The following KLHL20 variants were observed in gnomAD, a reference collection of about 807,000 sequenced individuals.
The protein encoded by KLHL20 is kelch-like protein 20.
KLHL20 carries 29 observed loss-of-function variants against 69.5 expected under a neutral mutation model. That is an observed-to-expected ratio of 0.42 (90% CI 0.31 to 0.57). KLHL20 has a LOEUF of 0.57. Ranked by LOEUF, KLHL20 falls within the 20% of genes least tolerant of loss-of-function variation. The pLI, the probability that KLHL20 is intolerant of heterozygous loss-of-function variation, is 0.18. For synonymous variants in KLHL20, 253 were observed against 265.2 expected (o/e 0.95, Z 0.45); for missense variants, 419 against 776.0 (o/e 0.54, Z 5.47).
In KLHL20 at chr1:173,733,767, C is replaced by T. The variant is rs1672397280; in HGVS notation, c.78C>T (p.Thr26=). The T allele has an allele frequency of 6.2e-7, 1 of 1,613,954 alleles. No homozygotes were observed. The highest frequency in any genetic ancestry group is 1.3e-5 in the African/African-American group (1 of 74,892). Residue 26 remains threonine, a synonymous_variant, in exon 3 of 12, where the codon ACC becomes ACT. Transcript: ENST00000209884. ...ETGMDVTSRC[T]LGDPNKLPEG... ...GAATGGATGTAACAAGCCGCTGCAC[C>T]CTTGGAGACCCCAACAAACTGCCAG...
intron 2 of KLHL20, among the ~76,000 whole-genome samples, chr1:173,726,482 A>T (rs1671967743): frequency 6.6e-6 from 1 of 152,156 alleles, no homozygotes; most frequent in Admixed American, 6.5e-5. Flanking sequence ...CAAGTAGCTT[A>T]ACTGGGAGGC....
chr1:173,773,818 C>T (rs1461716820), intron 8 of KLHL20, among the ~76,000 whole-genome samples: 3 of 152,004 alleles, frequency 2.0e-5, no homozygotes, highest in Non-Finnish European at 4.4e-5. Flanking sequence ...TCGAGACCCT[C>T]CTGGCTAACA....
In KLHL20 at chr1:173,757,044, A is replaced by C; in HGVS notation, c.1036A>C (p.Arg346=). Residue 346 remains arginine, a synonymous_variant, in exon 7 of 12, where the codon AGA becomes CGA. Transcript: ENST00000209884. ...ERYDPQTNEW[R]MVASMSKRRC... ...ATATGATCCACAGACCAATGAATGG[A>C]GAATGGTGGCTTCAATGAGCAAAAG... 1.2e-6 allele frequency: 2 copies of C among 1,614,156 alleles called. No individual in the cohort carries two copies. The highest frequency in any genetic ancestry group is 1.7e-6 in the Non-Finnish European group (2 of 1,180,022).
chr1:173,773,339 T>TG (rs902840758), intron 8 of KLHL20, among the ~76,000 whole-genome samples: 3 of 151,488 alleles, frequency 2.0e-5, no homozygotes, highest in Non-Finnish European at 4.4e-5. Flanking sequence ...CCCAGCACTT[T>TG]GGGGGGCCAA....
chr1:173,720,941 G>A (rs1277960175), intron 2 of KLHL20, among the ~76,000 whole-genome samples: 1 of 152,056 alleles, frequency 6.6e-6, no homozygotes, highest in Non-Finnish European at 1.5e-5. Flanking sequence ...ATGACTCTGG[G>A]GCAGAAGAGA....
intron 10 of KLHL20, among the ~76,000 whole-genome samples, chr1:173,778,303 T>G (rs1648618165): frequency 6.6e-6 from 1 of 150,894 alleles, no homozygotes; most frequent in South Asian, 2.1e-4. Flanking sequence ...CGCTGGGAGA[T>G]TTTTTATTAC....
chr1:173,737,193 G>A (rs1214708114), intron 3 of KLHL20, among the ~76,000 whole-genome samples: 1 of 152,208 alleles, frequency 6.6e-6, no homozygotes, highest in African/African-American at 2.4e-5. Context: ...TTACTCTGCT[G>A]ATTATTTCTT....
intron 2 of KLHL20, among the ~76,000 whole-genome samples, chr1:173,728,612 A>G (rs1672096266): frequency 6.6e-6 from 1 of 152,206 alleles, no homozygotes; most frequent in Admixed American, 6.5e-5. Context: ...GCTCAACTAC[A>G]TGGAAACTGA....
At chr1:173,764,900 A>T (rs1201943869) in intron 7 of KLHL20, among the ~76,000 whole-genome samples, 6 of 152,078 alleles carry the variant, frequency 3.9e-5, no homozygotes, top group African/African-American at 7.2e-5. Flanking sequence ...ATCCCAGTTT[A>T]AAAAAAATTG....
intron 3 of KLHL20, chr1:173,734,522 A>G (rs1485162312): frequency 6.1e-6 from 3 of 493,484 alleles, no homozygotes; most frequent in Admixed American, 3.5e-5. Flanking sequence ...AAGTATTTAA[A>G]AAAAAATTTT....
intron 2 of KLHL20, among the ~76,000 whole-genome samples, chr1:173,728,057 T>C (rs964741796): frequency 1.3e-5 from 2 of 152,116 alleles, no homozygotes; most frequent in African/African-American, 4.8e-5. Context: ...TGGAGGAAGA[T>C]CTACCAAGCA....
At position 173,725,974 on chromosome 1, in the gene KLHL20, G is replaced by A. The variant is rs530820465; in HGVS notation, c.24-7739G>A. Reference sequence around the variant, plus strand: ...ATCACCTCACCCAGGAAGTGCAAGGGGTCAGGGAATTCCCTTTCCTAGCCA... The same window carrying A: ...ATCACCTCACCCAGGAAGTGCAAGGAGTCAGGGAATTCCCTTTCCTAGCCA... On this transcript the variant is annotated intron_variant, in intron 2 of 11. Transcript: ENST00000209884. 2.6e-5 allele frequency among the ~76,000 whole-genome samples: 4 copies of A among 152,324 alleles called. No individual in the cohort carries two copies. The East Asian group carries it at 7.7e-4, about 29-fold the overall frequency.
chr1:173,785,294 C>G lies in KLHL20; in HGVS notation c.*47C>G. ...ATATATTCCTCTGTATTCTGGGGAG[C>G]TTTGACCTTGGAGCTTTGTACAGCT... On this transcript the variant is annotated 3_prime_UTR_variant, in exon 12 of 12. Coordinates refer to ENST00000209884, the MANE Select transcript of KLHL20 (RefSeq NM_014458.4). 1 of 1,395,858 alleles carries G rather than the reference C, an allele frequency of 7.2e-7. No homozygotes were observed. Among genetic ancestry groups the G allele is most frequent in the Non-Finnish European group, 9.8e-7 (1 of 1,020,120 alleles). 86.5% of individuals were successfully genotyped at this position (1,395,858 alleles called of 1,614,324 possible). A position where few individuals can be genotyped will look rare whatever the true frequency, so the allele number is the denominator to read the frequency against.
intron 2 of KLHL20, among the ~76,000 whole-genome samples, chr1:173,717,723 G>A (rs548330145): frequency 5.8e-4 from 88 of 152,082 alleles, no homozygotes; most frequent in Non-Finnish European, 1.1e-3. Flanking sequence ...AGCACCTAAC[G>A]ATTACTGAAT....
Position 173,733,737 on chromosome 1 carries a change from G to C in KLHL20, c.48G>C (p.Glu16Asp). ...GGTGTACCAACATTCGACCAGGAGA[G>C]ACTGGAATGGATGTAACAAGCCGCT... ...MRRCTNIRPG[E>D]TGMDVTSRCT... Residue 16 changes from glutamate (E) to aspartate (D), a missense_variant, in exon 3 of 12, where the codon GAG becomes GAC. By Grantham distance (45) the Glu-to-Asp change is conservative. This residue lies in a region of KLHL20 where 129 missense variants were observed against 183.6 expected (regional missense o/e 0.70). Coordinates refer to ENST00000209884, the MANE Select transcript of KLHL20 (RefSeq NM_014458.4). 6.2e-7 allele frequency: 1 copy of C among 1,613,874 alleles called. No individual in the cohort carries two copies. The highest frequency in any genetic ancestry group is 8.5e-7 in the Non-Finnish European group (1 of 1,179,872).
intron 5 of KLHL20, among the ~76,000 whole-genome samples, chr1:173,753,750 C>T (rs1456580162): frequency 6.6e-6 from 1 of 152,064 alleles, no homozygotes; most frequent in Non-Finnish European, 1.5e-5. Flanking sequence ...AGATCTGCCA[C>T]TTTCTAAAAC....
At chr1:173,747,935 G>GA (rs1236096467) in intron 3 of KLHL20, among the ~76,000 whole-genome samples, 2 of 146,976 alleles carry the variant, frequency 1.4e-5, no homozygotes, top group African/African-American at 2.5e-5. Context: ...TACTGATCAA[G>GA]AAAAAAAAGG....
chr1:173,733,699 C>G lies in KLHL20; in HGVS notation c.24-14C>G. The stretch of plus-strand genomic sequence containing the variant: ...ATACTGCCATCTTCTCTCTCTCCCC[C>G]ATCATTCCTATAGGTGTACCAACAT... On this transcript the variant is annotated splice_polypyrimidine_tract_variant and intron_variant, in intron 2 of 11. Coordinates refer to ENST00000209884, the MANE Select transcript of KLHL20 (RefSeq NM_014458.4). 6.3e-7 allele frequency: 1 copy of G among 1,576,306 alleles called. No individual in the cohort carries two copies. The highest frequency in any genetic ancestry group is 1.8e-5 in the Admixed American group (1 of 56,474).
chr1:173,722,230 T>C (rs1467035976), intron 2 of KLHL20, among the ~76,000 whole-genome samples: 3 of 152,118 alleles, frequency 2.0e-5, no homozygotes, highest in Non-Finnish European at 4.4e-5. Flanking sequence ...GGATTACAGC[T>C]GTGAGCCACC....
Sources: gnomAD v4.1 joint callset for allele counts (sites outside exome capture counted in the v4.1 genomes callset) on GRCh38, gnomAD v4.1.1 for gene constraint, gnomAD v4.1.1 regional missense constraint, MANE v1.5 for transcripts, NCBI Gene and HGNC (gene_info 2026-07-23, HGNC 2026-07-21) for gene names.